Variants in AK4 observed in about 807,000 individuals in gnomAD.
AK4 encodes the protein adenylate kinase 4, also known as adenylate kinase 4, mitochondrial.
AK4 carries 13 observed loss-of-function variants against 24.6 expected under a neutral mutation model. That is an observed-to-expected ratio of 0.53 (90% CI 0.34 to 0.84). AK4 has a LOEUF of 0.84. Ranked by LOEUF, AK4 falls within the 40% of genes least tolerant of loss-of-function variation. The pLI, the probability that AK4 is intolerant of heterozygous loss-of-function variation, is 0.01. For synonymous variants in AK4, 88 were observed against 107.0 expected, an observed-to-expected ratio of 0.82 and a Z score of 1.10; for missense variants, 192 against 288.2, an observed-to-expected ratio of 0.67 and a Z score of 2.42.
intron 2 of AK4, among the ~76,000 whole-genome samples, chr1:65,193,972 A>G (rs991310874): frequency 1.3e-5 from 2 of 152,146 alleles, no homozygotes; most frequent in African/African-American, 4.8e-5. Context: ...TGTGCCTATA[A>G]TCCCAGCTAC....
chr1:65,207,027 A>G (rs1196247312), intron 2 of AK4, among the ~76,000 whole-genome samples: 2 of 152,228 alleles, frequency 1.3e-5, no homozygotes, highest in Non-Finnish European at 2.9e-5. Flanking sequence ...GAATTTCCCC[A>G]AGAATTCCTA....
Position 65,148,270 on chromosome 1 carries a change from C to G in AK4, c.-138C>G. 4.0e-6 allele frequency: 5 copies of G among 1,258,214 alleles called. No individual in the cohort carries two copies. The highest frequency in any genetic ancestry group is 5.3e-6 in the Non-Finnish European group (5 of 935,724). The allele number at this position is 1,258,214 out of a possible 1,614,324, so 77.9% of individuals were successfully genotyped here. ...GGTTGTCTTAAAAGTCTCTCCTTCC[C>G]CCTGTAGGGGCGGCCGGCGAGTCCC... On this transcript the variant is annotated 5_prime_UTR_variant, in exon 1 of 5. Transcript: ENST00000327299.
At chr1:65,203,803 C>G (rs1651735380) in intron 2 of AK4, among the ~76,000 whole-genome samples, 1 of 151,390 alleles carries the variant, frequency 6.6e-6, no homozygotes, top group Admixed American at 6.6e-5. Context: ...GAAATTCCAT[C>G]TCAAAGAAAA....
intron 1 of AK4, among the ~76,000 whole-genome samples, chr1:65,175,665 A>G (rs1650689364): frequency 6.6e-6 from 1 of 152,222 alleles, no homozygotes; most frequent in South Asian, 2.1e-4. Context: ...AAGAAAATCC[A>G]GAGGGCCCCT....
chr1:65,181,681 C>T (rs549003052), intron 1 of AK4, among the ~76,000 whole-genome samples: 4 of 152,276 alleles, frequency 2.6e-5, no homozygotes, highest in African/African-American at 7.2e-5. Flanking sequence ...AGTCACAGTG[C>T]CCGGCCAGAA....
chr1:65,163,830 A>C (rs1243098423), intron 1 of AK4, among the ~76,000 whole-genome samples: 1 of 151,918 alleles, frequency 6.6e-6, no homozygotes, highest in Non-Finnish European at 1.5e-5. Flanking sequence ...GGAAGTGGGG[A>C]GTGCTGATTA....
At chr1:65,166,828 C>CT (rs1650348472) in intron 1 of AK4, among the ~76,000 whole-genome samples, 1 of 151,828 alleles carries the variant, frequency 6.6e-6, no homozygotes, top group Admixed American at 6.6e-5. Flanking sequence ...GCCATACTTG[C>CT]TTTTTAAGAA....
intron 2 of AK4, among the ~76,000 whole-genome samples, chr1:65,194,462 T>C (rs1054227887): frequency 1.3e-5 from 2 of 152,130 alleles, no homozygotes; most frequent in Non-Finnish European, 2.9e-5. Flanking sequence ...CATGACCACT[T>C]GAGTAATTTC....
At chr1:65,207,744 C>T (rs1419079473) in intron 2 of AK4, among the ~76,000 whole-genome samples, 24 of 151,986 alleles carry the variant, frequency 1.6e-4, no homozygotes, top group Admixed American at 1.6e-3. Flanking sequence ...CACCTTTGTG[C>T]CCATGTGTAT....
At chr1:65,172,209 C>T (rs948502755) in intron 1 of AK4, among the ~76,000 whole-genome samples, 25 of 150,206 alleles carry the variant, frequency 1.7e-4, no homozygotes, top group Non-Finnish European at 1.8e-4. Context: ...TGATGCCAGA[C>T]GTTGCTGCCT....
intron 3 of AK4, 98 bp from the exon 4 acceptor site, chr1:65,224,654 G>C: frequency 1.2e-6 from 1 of 835,884 alleles, no homozygotes; most frequent in Non-Finnish European, 2.0e-6. Context: ...CATGTGGTAG[G>C]AGTTAAAGAT....
intron 1 of AK4, among the ~76,000 whole-genome samples, chr1:65,162,802 A>T (rs1650210893): frequency 6.6e-6 from 1 of 151,720 alleles, no homozygotes; most frequent in Non-Finnish European, 1.5e-5. Flanking sequence ...ATTAGCAGTC[A>T]CTCCCCATTT....
intron 1 of AK4, chr1:65,154,500 C>T: frequency 1.9e-6 from 1 of 525,482 alleles, no homozygotes; most frequent in South Asian, 1.4e-5. Flanking sequence ...AGCAGCTGTA[C>T]TGGAGCCACT....
chr1:65,197,832 C>T (rs991770808), intron 2 of AK4, among the ~76,000 whole-genome samples: 10 of 152,292 alleles, frequency 6.6e-5, no homozygotes, highest in African/African-American at 2.4e-4. Context: ...TGATTCAGAC[C>T]TCTGAGGAGT....
At position 65,229,694 on chromosome 1, in the gene AK4, G is replaced by C. The variant is rs1652576758; in HGVS notation, c.*3517G>C. The C allele has an allele frequency of 6.6e-6, 1 of 152,170 alleles. No homozygotes were observed. Among genetic ancestry groups the C allele is most frequent in the African/African-American group, 2.4e-5 (1 of 41,440 alleles). The allele number at this position is 152,170 out of a possible 1,614,324, so 9.4% of individuals were successfully genotyped here. On this transcript the variant is annotated 3_prime_UTR_variant, in exon 5 of 5. Transcript: ENST00000327299. ...ATAAAAGACTGTCAAAGTAGGCTGG[G>C]CTTGGGCCCAGGCTAATCTATGAAG...
At chr1:65,208,648 C>T (rs1039193886) in intron 2 of AK4, among the ~76,000 whole-genome samples, 14 of 152,168 alleles carry the variant, frequency 9.2e-5, no homozygotes, top group Admixed American at 6.5e-4. Flanking sequence ...TCACAAGCTG[C>T]CAAACCCAGG....
chr1:65,209,864 G>C lies in AK4; in HGVS notation c.266-8890G>C, dbSNP rs978369453. On this transcript the variant is annotated intron_variant, in intron 2 of 4. Transcript: ENST00000327299. ...GCTCTGTCACCCAGGCTGGAGTGCA[G>C]TGGCATGAACATGGCTCACTGCAGC... 2.6e-5 allele frequency among the ~76,000 whole-genome samples: 4 copies of C among 152,166 alleles called. No homozygotes were observed. The East Asian group carries it at 7.7e-4, about 29-fold the overall frequency.
intron 2 of AK4, among the ~76,000 whole-genome samples, chr1:65,207,552 G>GT (rs398053072): frequency 0.049 from 6,742 of 137,740 alleles, 168 homozygotes; most frequent in African/African-American, 0.069. Flanking sequence ...CACAGCTGCT[G>GT]TTTTTTTTTT....
intron 1 of AK4, among the ~76,000 whole-genome samples, chr1:65,158,165 A>T (rs1570064871): frequency 6.6e-6 from 1 of 152,144 alleles, no homozygotes. Context: ...ATACATACAC[A>T]TAGTGGCATT....
Sources: allele counts gnomAD v4.1 joint callset (sites outside exome capture counted in the v4.1 genomes callset), GRCh38; gene constraint gnomAD v4.1.1; transcripts MANE v1.5; gene names NCBI Gene and HGNC (gene_info 2026-07-23, HGNC 2026-07-21).